Variants in TMPRSS11D observed in about 807,000 individuals in gnomAD.
The protein encoded by TMPRSS11D is transmembrane serine protease 11D.
Under a neutral mutation model 44.4 loss-of-function variants are expected in TMPRSS11D, and 32 were observed. The observed-to-expected ratio is 0.72, with a 90% CI of 0.54 to 0.97. TMPRSS11D has a LOEUF of 0.97. Among genes scored for constraint, TMPRSS11D ranks in the 50% least tolerant of loss-of-function variants. The pLI is 0.00. For missense variants in TMPRSS11D, 446 were observed against 502.6 expected (o/e 0.89, Z 1.08); for synonymous variants, 179 against 177.9 (o/e 1.01, Z -0.05).
At chr4:67,833,539 A>G in intron 6 of TMPRSS11D, 158 bp from the exon 7 acceptor site, 1 of 589,956 alleles carries the variant, frequency 1.7e-6, no homozygotes, top group Non-Finnish European at 2.6e-6. Flanking sequence ...ATATTTCTAC[A>G]ATGCATTTGT....
At chr4:67,872,292 C>G (rs1719078310) in intron 1 of TMPRSS11D, among the ~76,000 whole-genome samples, 1 of 151,956 alleles carries the variant, frequency 6.6e-6, no homozygotes, top group African/African-American at 2.4e-5. Context: ...TTCTTTCATT[C>G]TTTATTTTCA....
intron 1 of TMPRSS11D, among the ~76,000 whole-genome samples, chr4:67,871,262 T>A (rs1052816305): frequency 6.6e-6 from 1 of 152,194 alleles, no homozygotes; most frequent in Non-Finnish European, 1.5e-5. Context: ...AGTGTTTCCC[T>A]TTCAAGTCAG....
chr4:67,873,814 T>C (rs1467210906), intron 1 of TMPRSS11D, among the ~76,000 whole-genome samples: 1 of 152,116 alleles, frequency 6.6e-6, no homozygotes, highest in African/African-American at 2.4e-5. Flanking sequence ...AGTGGAGTGA[T>C]TGTACTGAAG....
At chr4:67,842,032 G>T (rs1212714655) in intron 4 of TMPRSS11D, among the ~76,000 whole-genome samples, 2 of 152,154 alleles carry the variant, frequency 1.3e-5, no homozygotes, top group African/African-American at 4.8e-5. Flanking sequence ...ACTAAGGCAG[G>T]AATGGCAAAT....
chr4:67,859,609 C>T lies in TMPRSS11D; in HGVS notation c.78G>A (p.Gly26=), dbSNP rs1276663173. ...CTATGGTGACTGCCAGGATCACTAC[C>T]CCTGCGACGACAATGAAACATACTA... ...PYVVCFIVVA[G]VVILAVTIAL... is the part of the protein sequence containing the mutation. The change falls in exon 2 of 10, where the codon GGG becomes GGA. Residue 26 remains glycine, a synonymous_variant. Coordinates refer to ENST00000283916, the MANE Select transcript of TMPRSS11D (RefSeq NM_004262.3). The T allele has an allele frequency of 5.6e-6, 9 of 1,613,122 alleles. No individual in the cohort carries two copies. The highest frequency in any genetic ancestry group is 7.6e-6 in the Non-Finnish European group (9 of 1,179,368).
At chr4:67,877,605 C>T (rs573088151) in intron 1 of TMPRSS11D, among the ~76,000 whole-genome samples, 146 of 152,276 alleles carry the variant, frequency 9.6e-4, no homozygotes, top group African/African-American at 3.4e-3. Context: ...TTCTCACAAC[C>T]TTCCTTTGCC....
chr4:67,855,999 CAAAT>C (rs1234046461), intron 2 of TMPRSS11D, among the ~76,000 whole-genome samples: 4 of 152,084 alleles, frequency 2.6e-5, no homozygotes, highest in African/African-American at 4.8e-5. Context: ...AGGGCACAAA[CAAAT>C]GGAAAGACAT....
intron 2 of TMPRSS11D, among the ~76,000 whole-genome samples, chr4:67,857,134 A>G (rs1172108867): frequency 6.6e-6 from 1 of 152,022 alleles, no homozygotes; most frequent in Non-Finnish European, 1.5e-5. Context: ...ACTACTGGAT[A>G]TTTATCCAAA....
intron 2 of TMPRSS11D, among the ~76,000 whole-genome samples, chr4:67,854,725 A>G (rs539628477): frequency 6.6e-6 from 1 of 152,350 alleles, no homozygotes; most frequent in African/African-American, 2.4e-5. Flanking sequence ...ACCTTGCAAA[A>G]TAAAAAACTT....
At chr4:67,878,665 C>A (rs937223337) in intron 1 of TMPRSS11D, among the ~76,000 whole-genome samples, 1 of 152,136 alleles carries the variant, frequency 6.6e-6, no homozygotes, top group Non-Finnish European at 1.5e-5. Context: ...GTGGCTCACA[C>A]CTGTAATCCC....
At chr4:67,829,446 TTAAA>T (rs1717890867) in intron 7 of TMPRSS11D, among the ~76,000 whole-genome samples, 2 of 9,838 alleles carry the variant, frequency 2.0e-4, no homozygotes, top group African/African-American at 2.1e-4. Flanking sequence ...AACAGTAGCG[TTAAA>T]AAAAAAAAAA....
At chr4:67,830,805 T>C (rs1187289501) in intron 7 of TMPRSS11D, among the ~76,000 whole-genome samples, 1 of 152,124 alleles carries the variant, frequency 6.6e-6, no homozygotes, top group African/African-American at 2.4e-5. Flanking sequence ...TATTTAAATC[T>C]TGGCTATGCC....
intron 2 of TMPRSS11D, among the ~76,000 whole-genome samples, chr4:67,858,734 A>G (rs1024934890): frequency 2.6e-5 from 4 of 152,144 alleles, no homozygotes; most frequent in Non-Finnish European, 2.9e-5. Flanking sequence ...TATTTGAAAT[A>G]AAAATAACCT....
intron 3 of TMPRSS11D, among the ~76,000 whole-genome samples, chr4:67,843,720 G>A (rs1022875480): frequency 2.6e-5 from 4 of 151,946 alleles, no homozygotes; most frequent in Non-Finnish European, 4.4e-5. Flanking sequence ...TCAGGAGATC[G>A]AGACCATCCT....
chr4:67,833,026 C>G (rs1013838652), intron 7 of TMPRSS11D, among the ~76,000 whole-genome samples, 178 bp downstream of exon 7: 3 of 152,114 alleles, frequency 2.0e-5, no homozygotes, highest in Admixed American at 6.5e-5. Flanking sequence ...AGAAATAGCA[C>G]TAAATTAGCA....
intron 1 of TMPRSS11D, among the ~76,000 whole-genome samples, chr4:67,872,763 C>T (rs942336157): frequency 8.5e-5 from 13 of 152,126 alleles, no homozygotes; most frequent in African/African-American, 2.7e-4. Context: ...GTTCAGGTTT[C>T]AATGCTATTT....
In TMPRSS11D at chr4:67,827,400, AT is replaced by A; in HGVS notation, c.812del (p.Asn271MetfsTer6). On this transcript the variant is annotated frameshift_variant, in exon 8 of 10. Coordinates refer to ENST00000283916, the MANE Select transcript of TMPRSS11D (RefSeq NM_004262.3). LOFTEE classifies it high-confidence loss of function. ...TCTCAAGTCTCACAAGTGCAATGTC[AT>A]TTTCATGAGTTGCAGATTTATAATT... ...HNNYKSATHE[N>X]DIALVRLENS... is the part of the protein sequence containing the mutation. 3 of 1,613,222 alleles carry A rather than the reference AT, an allele frequency of 1.9e-6. No individual in the cohort carries two copies. Among genetic ancestry groups the A allele is most frequent in the Non-Finnish European group, 2.5e-6 (3 of 1,179,488 alleles).
At chr4:67,837,211 C>T (rs947206300) in intron 5 of TMPRSS11D, among the ~76,000 whole-genome samples, 7 of 152,078 alleles carry the variant, frequency 4.6e-5, no homozygotes, top group Admixed American at 3.3e-4. Context: ...GGGAGCATTC[C>T]TTAATGTGTG....
At chr4:67,824,822 T>C (rs1448747964) in intron 9 of TMPRSS11D, among the ~76,000 whole-genome samples, 4 of 152,170 alleles carry the variant, frequency 2.6e-5, no homozygotes, top group Non-Finnish European at 4.4e-5. Flanking sequence ...AGTAAACAGA[T>C]TGATTTTTTA....
Sources: gnomAD v4.1 joint callset for allele counts (sites outside exome capture counted in the v4.1 genomes callset) on GRCh38, gnomAD v4.1.1 for gene constraint, MANE v1.5 for transcripts, NCBI Gene and HGNC (gene_info 2026-07-23, HGNC 2026-07-21) for gene names.